GPATCH3: variants seen among roughly 807,000 people sequenced by gnomAD.
GPATCH3 encodes the protein G-patch domain containing 3, also known as G patch domain-containing protein 3.
A neutral mutation model predicts 53.2 loss-of-function variants in GPATCH3; 45 were observed. The observed-to-expected ratio is 0.85, with a 90% confidence interval of 0.67 to 1.08. The LOEUF (loss-of-function observed/expected upper bound fraction) is 1.08, where lower values mean the gene tolerates loss of function less well. Among genes scored for constraint, GPATCH3 ranks in the 50% least tolerant of loss-of-function variants. GPATCH3 has a pLI of 0.00. For synonymous variants in GPATCH3, 280 were observed against 270.6 expected (o/e 1.03, Z -0.34); for missense variants, 680 against 687.2 (o/e 0.99, Z 0.12).
rs201916728 is a variant in GPATCH3, at chr1:26,894,407, C to T, written c.880G>A (p.Asp294Asn). 45 of 1,613,742 alleles carry T rather than the reference C, an allele frequency of 2.8e-5. No individual in the cohort carries two copies. In the East Asian group the frequency reaches 8.9e-4, roughly 32 times the overall value. ...CGTTCCCATTCCTCACCCCGGTCAT[C>T]GTCCTAAAAGGCAGGGAGAGGTGAT... ...EEEESHSDED[D>N]DRGEEWERHE... is the part of the protein sequence containing the mutation. The change falls in exon 3 of 7, where the codon GAT becomes AAT. Residue 294 changes from aspartate (D) to asparagine (N), a missense_variant. Coordinates refer to ENST00000361720, the MANE Select transcript of GPATCH3 (RefSeq NM_022078.3).
At position 26,897,348 on chromosome 1, in the gene GPATCH3, C is replaced by T. The variant is rs778192617; in HGVS notation, c.829G>A (p.Glu277Lys). The stretch of plus-strand genomic sequence containing the variant: ...TCCTCTTCCTTCCCCACTTCTTCCT[C>T]AGGCTCTCCACAGGGGCTGGCTGGT... ...DIPASPCGEP[E>K]EEVGKEEEEE... The change falls in exon 2 of 7, where the codon GAG becomes AAG. Residue 277 changes from glutamate to lysine, a missense_variant. By Grantham distance (56) the Glu-to-Lys change is moderately conservative. Coordinates refer to ENST00000361720, the MANE Select transcript of GPATCH3 (RefSeq NM_022078.3). 1.2e-6 allele frequency: 2 copies of T among 1,614,236 alleles called. No individual in the cohort carries two copies.
chr1:26,894,535 G>A (rs2081942650), intron 2 of GPATCH3, 125 bp from the exon 3 acceptor site: 1 of 922,872 alleles, frequency 1.1e-6, no homozygotes, highest in East Asian at 2.4e-5. Context: ...TCTCCAAGAA[G>A]CAGCACATAT....
In GPATCH3 at chr1:26,898,325, C is replaced by CT. The variant is rs1045841889; in HGVS notation, c.452-601dup. Among the ~76,000 whole-genome samples the CT allele has an allele frequency of 2.2e-4, 33 of 151,210 alleles. No individual in the cohort carries two copies. In the East Asian group the frequency reaches 3.5e-3, roughly 16 times the overall value. ...CTGGCTCCTGATGAACTTTTTTTTT[C>CT]TTTTTTTTGAGACAGATTCTCACTC... is the stretch of plus-strand genomic sequence containing the variant. On this transcript the variant is annotated intron_variant, in intron 1 of 6. Coordinates refer to ENST00000361720, the MANE Select transcript of GPATCH3 (RefSeq NM_022078.3).
chr1:26,898,751 C>T (rs2081961777), intron 1 of GPATCH3, among the ~76,000 whole-genome samples: 1 of 151,608 alleles, frequency 6.6e-6, no homozygotes, highest in South Asian at 2.1e-4. Flanking sequence ...ATTGCAACCT[C>T]CACCTCCTGG....
intron 1 of GPATCH3, among the ~76,000 whole-genome samples, chr1:26,899,786 G>A (rs554415556): frequency 1.4e-3 from 211 of 152,262 alleles, no homozygotes; most frequent in African/African-American, 5.0e-3. Flanking sequence ...CTAACAAAAT[G>A]AAGGCTCTTC....
At position 26,900,270 on chromosome 1, in the gene GPATCH3, G is replaced by A. The variant is rs1356256755; in HGVS notation, c.173C>T (p.Pro58Leu). The A allele has an allele frequency of 1.2e-6, 2 of 1,613,914 alleles. No homozygotes were observed. Among genetic ancestry groups the A allele is most frequent in the South Asian group, 2.2e-5 (2 of 91,092 alleles). The change falls in exon 1 of 7, where the codon CCG becomes CTG. Residue 58 changes from proline (P) to leucine (L), a missense_variant. By Grantham distance (98) the Pro-to-Leu change is moderately conservative. Coordinates refer to ENST00000361720, the MANE Select transcript of GPATCH3 (RefSeq NM_022078.3). Reference protein sequence around the residue: ...HYRHRPERAPPQAAPNSALIP... With the variant: ...HYRHRPERAPLQAAPNSALIP... ...TAGGGCAGAGTTAGGAGCGGCCTGCGGAGGGGCCCGCTCAGGCCGATGCCG... is the reference window on the plus strand; with the variant it reads ...TAGGGCAGAGTTAGGAGCGGCCTGCAGAGGGGCCCGCTCAGGCCGATGCCG...
chr1:26,890,766 G>T lies in GPATCH3; in HGVS notation c.*244C>A. 3 of 728,474 alleles carry T rather than the reference G, an allele frequency of 4.1e-6. No homozygotes were observed. The highest frequency in any genetic ancestry group is 7.7e-6 in the Non-Finnish European group (3 of 387,726). 45.1% of individuals were successfully genotyped at this position (728,474 alleles called of 1,614,324 possible). ...GCAGGAGGCAAAGGGCAAGCCCAGA[G>T]ATTAGGGTTAGAGACCAAAGACAAG... On this transcript the variant is annotated 3_prime_UTR_variant, in exon 7 of 7. Coordinates refer to ENST00000361720, the MANE Select transcript of GPATCH3 (RefSeq NM_022078.3).
rs1268879674 is a variant in GPATCH3 at position 26,900,465 on chromosome 1, T to C, written c.-23A>G. The C allele has an allele frequency of 5.7e-6, 9 of 1,587,486 alleles. 1 individual carries two copies. The highest frequency in any genetic ancestry group is 7.7e-6 in the Non-Finnish European group (9 of 1,162,624). On this transcript the variant is annotated 5_prime_UTR_variant, in exon 1 of 7. Coordinates refer to ENST00000361720, the MANE Select transcript of GPATCH3 (RefSeq NM_022078.3). ...CATCTTGGATTGTCACATGATCAGC[T>C]AGAACCAAGTCTCGCGAGAACACCG...
chr1:26,891,275 T>A (rs1200621163), intron 6 of GPATCH3, 49 bp from the exon 7 acceptor site: 1 of 1,473,592 alleles, frequency 6.8e-7, no homozygotes, highest in Non-Finnish European at 9.4e-7. Context: ...AAACTCCAGT[T>A]AAAGGGGTTG....
At chr1:26,898,304 C>G (rs2081959661) in intron 1 of GPATCH3, among the ~76,000 whole-genome samples, 1 of 152,060 alleles carries the variant, frequency 6.6e-6, no homozygotes, top group African/African-American at 2.4e-5. Flanking sequence ...CCAGCTCTGG[C>G]TCCTGATGAA....
In GPATCH3 at chr1:26,900,314, G is replaced by A. The variant is rs766927811; in HGVS notation, c.129C>T (p.Gly43=). Residue 43 remains glycine (G), a synonymous_variant, in exon 1 of 7, where the codon GGC becomes GGT. Coordinates refer to ENST00000361720, the MANE Select transcript of GPATCH3 (RefSeq NM_022078.3). ...GATGCCGGTAGTGGAAACAGAGGAA[G>A]CCACCGCCGCGCTCTTCTCGGAACT... ...FSQFREERGG[G]FLCFHYRHRP... is the part of the protein sequence containing the mutation. The A allele has an allele frequency of 6.2e-7, 1 of 1,613,938 alleles. No individual in the cohort carries two copies. Among genetic ancestry groups the A allele is most frequent in the African/African-American group, 1.3e-5 (1 of 74,908 alleles).
At chr1:26,892,272 A>T in intron 6 of GPATCH3, 139 bp downstream of exon 6, 1 of 1,065,966 alleles carries the variant, frequency 9.4e-7, no homozygotes, top group Non-Finnish European at 1.4e-6. Flanking sequence ...CCTGGCCCAG[A>T]TCCACTTTTT....
At chr1:26,894,535 G>T in intron 2 of GPATCH3, 125 bp from the exon 3 acceptor site, 1 of 922,872 alleles carries the variant, frequency 1.1e-6, no homozygotes, top group Non-Finnish European at 1.7e-6. Context: ...TCTCCAAGAA[G>T]CAGCACATAT....
intron 1 of GPATCH3, among the ~76,000 whole-genome samples, chr1:26,898,716 G>C (rs1453549831): frequency 6.6e-6 from 1 of 150,838 alleles, no homozygotes; most frequent in Non-Finnish European, 1.5e-5. Context: ...ACCCAGGCTG[G>C]AGTACAGTGG....
At chr1:26,891,296 G>C in intron 6 of GPATCH3, 70 bp from the exon 7 acceptor site, 1 of 1,208,110 alleles carries the variant, frequency 8.3e-7, no homozygotes, top group Non-Finnish European at 1.2e-6. Flanking sequence ...GGAGAGGACG[G>C]GGAAGTAGTT....
intron 1 of GPATCH3, 36 bp downstream of exon 1, chr1:26,899,956 C>T (rs377245820): frequency 6.3e-7 from 1 of 1,593,064 alleles, no homozygotes; most frequent in Non-Finnish European, 8.6e-7. Context: ...CTGTTCCAGG[C>T]CCGTAGGCCC....
At chr1:26,893,477 G>A (rs745549618) in intron 3 of GPATCH3, 29 bp from the exon 4 acceptor site, 1 of 1,396,916 alleles carries the variant, frequency 7.2e-7, no homozygotes. Context: ...ATCCAACAGA[G>A]TACATTAAGG....
chr1:26,895,869 A>G lies in GPATCH3; in HGVS notation c.876+1432T>C, dbSNP rs934054336. On this transcript the variant is annotated intron_variant, in intron 2 of 6. Coordinates refer to ENST00000361720, the MANE Select transcript of GPATCH3 (RefSeq NM_022078.3). ...GGTCTCGAACTCCTGACCTCAAATG[A>G]TCCACCCATCTTGGCCTCCCAAAGT... 2.0e-5 allele frequency among the ~76,000 whole-genome samples: 3 copies of G among 152,120 alleles called. 1 individual carries two copies. The South Asian group carries it at 6.2e-4, about 32-fold the overall frequency.
chr1:26,894,283 C>T lies in GPATCH3; in HGVS notation c.1004G>A (p.Gly335Asp), dbSNP rs768175745. ...IELKWEKGGS[G>D]LVFYTDAQFW... The stretch of plus-strand genomic sequence containing the variant: ...CTGGGCATCAGTATAAAACACCAGG[C>T]CAGAGCCACCCTTCTCCCACTTGAG... Residue 335 changes from glycine to aspartate, a missense_variant, in exon 3 of 7, where the codon GGC becomes GAC. Transcript: ENST00000361720. 102 of 1,614,004 alleles carry T rather than the reference C, an allele frequency of 6.3e-5. No individual in the cohort carries two copies. Among genetic ancestry groups the T allele is most frequent in the Non-Finnish European group, 8.1e-5 (96 of 1,180,028 alleles).
Sources: gnomAD v4.1 joint callset for allele counts (sites outside exome capture counted in the v4.1 genomes callset) on GRCh38, gnomAD v4.1.1 for gene constraint, MANE v1.5 for transcripts, NCBI Gene and HGNC (gene_info 2026-07-23, HGNC 2026-07-21) for gene names.